Variants in ANK3 observed in about 807,000 individuals in gnomAD.
ANK3 encodes ankyrin-3.
A neutral mutation model predicts 370.9 loss-of-function variants in ANK3; 57 were observed. The observed-to-expected ratio is 0.15, with a 90% CI of 0.12 to 0.19. The LOEUF is 0.19. Among genes scored for constraint, ANK3 ranks in the 10% least tolerant of loss-of-function variants. The pLI is 1.00. For missense variants in ANK3, 4,439 were observed against 5,302.1 expected (o/e 0.84, Z 5.06); for synonymous variants, 1,929 against 1,946.3 (o/e 0.99, Z 0.23).
chr10:60,446,130 T>C (rs1027514554), intron 2 of ANK3, among the ~76,000 whole-genome samples: 1 of 152,188 alleles, frequency 6.6e-6, no homozygotes, highest in Non-Finnish European at 1.5e-5. Context: ...CTTTTGATGA[T>C]GGCTAGCCAT....
intron 9 of ANK3, among the ~76,000 whole-genome samples, chr10:60,209,572 G>A (rs2096820222): frequency 6.6e-6 from 1 of 152,112 alleles, no homozygotes; most frequent in Admixed American, 6.6e-5. Flanking sequence ...CAATTTAAAG[G>A]CCTCGTACAC....
intron 2 of ANK3, among the ~76,000 whole-genome samples, chr10:60,504,574 G>A (rs1245960081): frequency 6.6e-6 from 1 of 152,120 alleles, no homozygotes; most frequent in African/African-American, 2.4e-5. Flanking sequence ...AAACAAATGT[G>A]TTTGGGATAC....
chr10:60,079,033 A>G (rs1178143280), intron 36 of ANK3, among the ~76,000 whole-genome samples: 1 of 152,140 alleles, frequency 6.6e-6, no homozygotes, highest in African/African-American at 2.4e-5. Flanking sequence ...CGGCTGGTCC[A>G]TTGAGCCTGT....
chr10:60,695,642 T>A (rs2079436136), intron 1 of ANK3, among the ~76,000 whole-genome samples: 1 of 152,216 alleles, frequency 6.6e-6, no homozygotes, highest in Admixed American at 6.5e-5. Flanking sequence ...AACCTGCTCC[T>A]GAATGACTGC....
chr10:60,141,559 C>CTGTTTTTTTT (rs2094556776), intron 23 of ANK3, among the ~76,000 whole-genome samples: 1 of 61,164 alleles, frequency 1.6e-5, no homozygotes, highest in African/African-American at 7.9e-5. Flanking sequence ...ATTTCAATTG[C>CTGTTTTTTTT]TGTTTTTTTT....
At chr10:60,659,946 A>G (rs1431885788) in intron 1 of ANK3, among the ~76,000 whole-genome samples, 1 of 152,150 alleles carries the variant, frequency 6.6e-6, no homozygotes, top group Non-Finnish European at 1.5e-5. Flanking sequence ...TTTCTACTCT[A>G]CTAATATGAT....
At chr10:60,380,401 A>C (rs1402661749) in intron 1 of ANK3, among the ~76,000 whole-genome samples, 1 of 152,122 alleles carries the variant, frequency 6.6e-6, no homozygotes, top group Non-Finnish European at 1.5e-5. Flanking sequence ...TCCAGGTGTG[A>C]AGAGTGGTGG....
At chr10:60,079,481 T>TTA (rs1466387949) in intron 36 of ANK3, among the ~76,000 whole-genome samples, 1 of 152,156 alleles carries the variant, frequency 6.6e-6, no homozygotes, top group Non-Finnish European at 1.5e-5. Context: ...GCCGCAGATC[T>TTA]TATATGCTAT....
intron 43 of ANK3, among the ~76,000 whole-genome samples, chr10:60,039,978 C>T (rs1461503955): frequency 3.3e-5 from 5 of 152,180 alleles, no homozygotes; most frequent in Non-Finnish European, 5.9e-5. Flanking sequence ...CTGTCCGAGC[C>T]TTAATATCCT....
At chr10:60,680,941 C>T (rs540049556) in intron 1 of ANK3, among the ~76,000 whole-genome samples, 66 of 152,292 alleles carry the variant, frequency 4.3e-4, no homozygotes, top group African/African-American at 1.5e-3. Flanking sequence ...ATCTGTAAAT[C>T]ACTTAGAACA....
intron 1 of ANK3, among the ~76,000 whole-genome samples, chr10:60,637,687 G>A (rs536902343): frequency 6.6e-6 from 1 of 151,950 alleles, no homozygotes; most frequent in Admixed American, 6.6e-5. Flanking sequence ...GCCTCTTCAG[G>A]GTGAAATGAG....
At chr10:60,102,250 A>G (rs557946056) in intron 28 of ANK3, among the ~76,000 whole-genome samples, 11 of 151,452 alleles carry the variant, frequency 7.3e-5, no homozygotes, top group Non-Finnish European at 1.5e-4. Context: ...AGATGGCTTG[A>G]CAAGTGAAAA....
rs183290602 is a variant in ANK3 at position 60,328,678 on chromosome 10, A to G, written c.115-49039T>C. ...GGCCAACCAAAAAAAGCCCAGGACC[A>G]GATGAATTCACAGCTGAATTCTACG... On this transcript the variant is annotated intron_variant, in intron 1 of 43. Coordinates refer to ENST00000280772, the MANE Select transcript of ANK3 (RefSeq NM_020987.5). 1.9e-3 allele frequency among the ~76,000 whole-genome samples: 294 copies of G among 152,354 alleles called. 2 individuals are homozygous for G. The highest frequency in any genetic ancestry group is 0.017 in the Middle Eastern group (5 of 294).
chr10:60,065,410 T>A (rs2081441440), intron 38 of ANK3, among the ~76,000 whole-genome samples: 1 of 152,110 alleles, frequency 6.6e-6, no homozygotes, highest in South Asian at 2.1e-4. Flanking sequence ...GCAAAAATGA[T>A]CCCATGGAAA....
intron 2 of ANK3, among the ~76,000 whole-genome samples, chr10:60,436,444 T>C (rs934833771): frequency 6.6e-6 from 1 of 152,206 alleles, no homozygotes. Flanking sequence ...TGTGTGAGGG[T>C]TCCATTTCTC....
chr10:60,508,481 C>T (rs1567103921), intron 2 of ANK3: 1 of 152,724 alleles, frequency 6.5e-6, no homozygotes, highest in East Asian at 1.9e-4. Flanking sequence ...TACCCTCTCT[C>T]TTAGGACACA....
chr10:60,307,777 A>C (rs1220231416), intron 1 of ANK3, among the ~76,000 whole-genome samples: 1 of 152,184 alleles, frequency 6.6e-6, no homozygotes, highest in Non-Finnish European at 1.5e-5. Flanking sequence ...TGACCAAAAA[A>C]ACCCTACTAT....
intron 1 of ANK3, among the ~76,000 whole-genome samples, chr10:60,623,915 A>G (rs2078373421): frequency 6.6e-6 from 1 of 152,178 alleles, no homozygotes; most frequent in African/African-American, 2.4e-5. Context: ...GGAGCAATCA[A>G]CAATATCTCT....
At chr10:60,540,993 A>C (rs11813412) in intron 2 of ANK3, among the ~76,000 whole-genome samples, 12,160 of 151,944 alleles carry the variant, frequency 0.08, 620 homozygotes, top group South Asian at 0.18. Context: ...TATATATCAA[A>C]AGGCAACTGG....
Sources: allele counts gnomAD v4.1 joint callset (sites outside exome capture counted in the v4.1 genomes callset), GRCh38; gene constraint gnomAD v4.1.1; transcripts MANE v1.5; gene names NCBI Gene and HGNC (gene_info 2026-07-23, HGNC 2026-07-21).